TG: variants seen among roughly 807,000 people sequenced by gnomAD.
The protein encoded by TG is thyroid hormones.
Under a neutral mutation model 324.7 loss-of-function variants are expected in TG, and 270 were observed. The observed-to-expected ratio is 0.83, with a 90% CI of 0.75 to 0.92. TG has a LOEUF of 0.92. Among genes scored for constraint, TG ranks in the 40% least tolerant of loss-of-function variants. The pLI, the probability that TG is intolerant of heterozygous loss-of-function variation, is 0.00. For missense variants in TG, 3,591 were observed against 3,456.4 expected, an observed-to-expected ratio of 1.04 and a Z score of -0.98; for synonymous variants, 1,401 against 1,327.0, an observed-to-expected ratio of 1.06 and a Z score of -1.21.
At chr8:133,081,684 G>A (rs1030701375) in intron 41 of TG, among the ~76,000 whole-genome samples, 1 of 152,100 alleles carries the variant, frequency 6.6e-6, no homozygotes, top group African/African-American at 2.4e-5. Flanking sequence ...TTCTGTCATT[G>A]CTCAACCTAG....
rs1837657882 is a variant in TG, at chr8:133,039,083, T to C, written c.7239+9060T>C. Among the ~76,000 whole-genome samples the C allele has an allele frequency of 2.0e-5, 3 of 152,292 alleles. No individual in the cohort carries two copies. The South Asian group carries it at 6.2e-4, about 32-fold the overall frequency. On this transcript the variant is annotated intron_variant, in intron 41 of 47. Transcript: ENST00000220616. ...GAGTAGAGACAGGGTTTCACCATGT[T>C]GGCCAGGCTGGTCTCAAACTCCTGA...
At chr8:132,946,636 T>G (rs1359383708) in intron 26 of TG, among the ~76,000 whole-genome samples, 1 of 152,074 alleles carries the variant, frequency 6.6e-6, no homozygotes, top group East Asian at 1.9e-4. Flanking sequence ...GTCTCTAGCC[T>G]CCTCCAATCT....
intron 43 of TG, among the ~76,000 whole-genome samples, chr8:133,099,059 T>C (rs1270584626): frequency 6.6e-6 from 1 of 152,204 alleles, no homozygotes; most frequent in Non-Finnish European, 1.5e-5. Flanking sequence ...GCTTACTTTG[T>C]TTACTTGCAA....
chr8:132,887,282 G>A lies in TG; in HGVS notation c.1910G>A (p.Trp637Ter), dbSNP rs778179419. The change falls in exon 9 of 48, where the codon TGG becomes TAG. Residue 637 changes from tryptophan (W) to a stop codon, truncating the protein, a stop_gained. Transcript: ENST00000220616. LOFTEE classifies it high-confidence loss of function. ...EDVQCFSGECWCVNSWGKELP... is the reference protein window; with the variant it reads ...EDVQCFSGEC The stretch of plus-strand genomic sequence containing the variant: ...GTCCAATGCTTTTCCGGAGAGTGCT[G>A]GTGTGTGAATTCCTGGGGCAAAGAG... The A allele has an allele frequency of 6.2e-7, 1 of 1,603,826 alleles. No individual in the cohort carries two copies. The highest frequency in any genetic ancestry group is 1.1e-5 in the South Asian group (1 of 89,584).
At chr8:132,936,248 T>C (rs1823571572) in intron 25 of TG, among the ~76,000 whole-genome samples, 1 of 152,220 alleles carries the variant, frequency 6.6e-6, no homozygotes, top group African/African-American at 2.4e-5. Flanking sequence ...GGAAGGCCCA[T>C]GCGGCCCAAG....
chr8:133,132,818 C>T (rs1852044974), intron 46 of TG, among the ~76,000 whole-genome samples: 1 of 152,156 alleles, frequency 6.6e-6, no homozygotes, highest in Non-Finnish European at 1.5e-5. Context: ...GAGGAAGTCA[C>T]AGTTAAGCTG....
chr8:132,993,232 A>G (rs1832546271), intron 35 of TG, among the ~76,000 whole-genome samples: 1 of 152,248 alleles, frequency 6.6e-6, no homozygotes, highest in Admixed American at 6.5e-5. Flanking sequence ...GTGATCAACT[A>G]ACTTTTGTTG....
At chr8:132,931,621 A>G (rs1822731188) in intron 23 of TG, among the ~76,000 whole-genome samples, 1 of 152,154 alleles carries the variant, frequency 6.6e-6, no homozygotes, top group South Asian at 2.1e-4. Context: ...CTAGTTCAGC[A>G]CTTAACCAGC....
intron 41 of TG, chr8:133,064,024 G>A (rs1842748932): frequency 6.6e-6 from 1 of 152,208 alleles, no homozygotes; most frequent in African/African-American, 2.4e-5. Flanking sequence ...AATTAACACT[G>A]GCTCTGCAAA....
intron 40 of TG, 54 bp downstream of exon 40, chr8:133,022,204 C>G: frequency 6.2e-7 from 1 of 1,610,616 alleles, no homozygotes; most frequent in Non-Finnish European, 8.5e-7. Context: ...AGGCTCAGCC[C>G]CTTTTCCCCA....
intron 25 of TG, among the ~76,000 whole-genome samples, chr8:132,937,661 C>A (rs1357298099): frequency 2.0e-5 from 3 of 152,048 alleles, no homozygotes; most frequent in African/African-American, 7.2e-5. Flanking sequence ...AAATAAAAAT[C>A]AAAATAGAAC....
Position 133,013,714 on chromosome 8 carries a change from A to G in TG, c.6512A>G (p.Asn2171Ser). 7.4e-6 allele frequency: 12 copies of G among 1,613,828 alleles called. No individual in the cohort carries two copies. The highest frequency in any genetic ancestry group is 1.0e-5 in the Non-Finnish European group (12 of 1,180,036). Reference protein sequence around the residue: ...QSCTHSLQGQNCRLLLREEAT... With the variant: ...QSCTHSLQGQSCRLLLREEAT... Reference sequence around the variant, plus strand: ...TGCACACATAGTCTGCAGGGTCAGAACTGCCGACTTCTGCTTCGTGAAGAG... The same window carrying G: ...TGCACACATAGTCTGCAGGGTCAGAGCTGCCGACTTCTGCTTCGTGAAGAG... The change falls in exon 37 of 48, where the codon AAC becomes AGC. Residue 2171 changes from asparagine (N) to serine (S), a missense_variant. Physicochemically the swap from Asn to Ser is conservative, Grantham distance 46 (BLOSUM62 1). Coordinates refer to ENST00000220616, the MANE Select transcript of TG (RefSeq NM_003235.5).
intron 34 of TG, among the ~76,000 whole-genome samples, chr8:132,976,740 G>A (rs929659402): frequency 3.3e-5 from 5 of 152,288 alleles, no homozygotes; most frequent in African/African-American, 4.8e-5. Context: ...GAGTGGCTCC[G>A]TGGTTCTCAT....
In TG at chr8:132,902,688, G is replaced by A. The variant is rs755553433; in HGVS notation, c.3634+1135G>A. Among the ~76,000 whole-genome samples the A allele has an allele frequency of 2.0e-5, 3 of 152,190 alleles. No individual in the cohort carries two copies. In the East Asian group the frequency reaches 5.8e-4, roughly 29 times the overall value. On this transcript the variant is annotated intron_variant, in intron 16 of 47. Transcript: ENST00000220616. ...TCTGAAATAGGGAGAGAAGTGAAGG[G>A]TCCACCTTAAGTCAGATACAATCAA...
chr8:132,955,877 A>G (rs1826789685), intron 27 of TG, among the ~76,000 whole-genome samples: 1 of 152,240 alleles, frequency 6.6e-6, no homozygotes, highest in Admixed American at 6.5e-5. Flanking sequence ...ACACCCAGCA[A>G]TGCTGGAGAA....
intron 35 of TG, among the ~76,000 whole-genome samples, chr8:132,994,162 C>T (rs1457336872): frequency 1.3e-5 from 2 of 152,184 alleles, no homozygotes; most frequent in African/African-American, 4.8e-5. Context: ...CTTTCCTTCT[C>T]ACCCCTGAAC....
rs547119753 is a variant in TG at position 132,934,779 on chromosome 8, A to G, written c.4933-977A>G. ...TGCGGGGGAAGGCAAAATACTGGGA[A>G]CAAAACACACCAATTTATCCTACCT... On this transcript the variant is annotated intron_variant, in intron 24 of 47. Coordinates refer to ENST00000220616, the MANE Select transcript of TG (RefSeq NM_003235.5). Among the ~76,000 whole-genome samples the G allele has an allele frequency of 7.5e-4, 114 of 152,344 alleles. 1 individual carries two copies. Among genetic ancestry groups the G allele is most frequent in the Middle Eastern group, 6.8e-3 (2 of 294 alleles).
At chr8:133,102,931 G>C (rs900748221) in intron 43 of TG, 2 of 268,918 alleles carry the variant, frequency 7.4e-6, no homozygotes, top group Non-Finnish European at 1.5e-5. Flanking sequence ...GGCAGCCCAT[G>C]TGGGAGTTGG....
At chr8:132,988,715 C>T in intron 35 of TG, 1 of 985,408 alleles carries the variant, frequency 1.0e-6, no homozygotes, top group Non-Finnish European at 1.2e-6. Flanking sequence ...AAGGCTTACA[C>T]CAACCAAGCC....
Sources: allele counts gnomAD v4.1 joint callset (sites outside exome capture counted in the v4.1 genomes callset), GRCh38; gene constraint gnomAD v4.1.1; transcripts MANE v1.5; gene names NCBI Gene and HGNC (gene_info 2026-07-23, HGNC 2026-07-21).